The following SHTN1 variants were observed in gnomAD, a reference collection of about 807,000 sequenced individuals.
The protein encoded by SHTN1 is shootin 1, also known as shootin-1.
Under a neutral mutation model 83.1 loss-of-function variants are expected in SHTN1, and 42 were observed. The observed-to-expected ratio is 0.51, with a 90% CI of 0.39 to 0.65. The LOEUF (loss-of-function observed/expected upper bound fraction) is 0.65, where lower values mean the gene tolerates loss of function less well. Ranked by LOEUF, SHTN1 falls within the 30% of genes least tolerant of loss-of-function variation. The probability of loss-of-function intolerance (pLI) is 0.00; values close to 1 mark genes in which losing one functional copy is unlikely to be tolerated. For missense variants in SHTN1, 622 were observed against 737.8 expected (o/e 0.84, Z 1.82); for synonymous variants, 224 against 247.7 (o/e 0.90, Z 0.90).
intron 1 of SHTN1, among the ~76,000 whole-genome samples, chr10:117,091,314 T>C (rs1033008660): frequency 2.0e-5 from 3 of 152,234 alleles, no homozygotes; most frequent in Admixed American, 6.5e-5. Flanking sequence ...ATAGTATTAC[T>C]ATCCAAATTT....
At chr10:117,013,930 A>T (rs181417144) in intron 2 of SHTN1, among the ~76,000 whole-genome samples, 3,768 of 151,640 alleles carry the variant, frequency 0.025, 127 homozygotes, top group African/African-American at 0.077. Flanking sequence ...GTATATATAT[A>T]TTTTTTTTCC....
At chr10:116,974,109 G>A in intron 2 of SHTN1, 1 of 1,077,848 alleles carries the variant, frequency 9.3e-7, no homozygotes, top group South Asian at 2.7e-5. Flanking sequence ...AGGCAAAAAA[G>A]AAGTGGTAGC....
chr10:117,108,631 C>T (rs560996934), intron 1 of SHTN1, among the ~76,000 whole-genome samples: 9 of 151,102 alleles, frequency 6.0e-5, no homozygotes, highest in African/African-American at 2.0e-4. Flanking sequence ...GGGTGCAGCA[C>T]AGCAACATGG....
At chr10:117,107,580 C>G (rs1853690230) in intron 1 of SHTN1, among the ~76,000 whole-genome samples, 1 of 152,126 alleles carries the variant, frequency 6.6e-6, no homozygotes. Flanking sequence ...GACATATATG[C>G]CAACTAAGTT....
At chr10:116,982,442 T>C (rs940481564) in intron 1 of SHTN1, among the ~76,000 whole-genome samples, 2 of 152,102 alleles carry the variant, frequency 1.3e-5, no homozygotes, top group Non-Finnish European at 2.9e-5. Context: ...CACACACATA[T>C]GTATCACAGT....
At chr10:117,045,942 CA>C (rs908631848) in intron 2 of SHTN1, among the ~76,000 whole-genome samples, 4 of 151,834 alleles carry the variant, frequency 2.6e-5, no homozygotes, top group African/African-American at 4.8e-5. Context: ...AAGAAGGTAT[CA>C]AAAAATGCTA....
intron 1 of SHTN1, among the ~76,000 whole-genome samples, chr10:117,072,397 C>CG (rs1449972070): frequency 6.6e-6 from 1 of 152,096 alleles, no homozygotes; most frequent in Non-Finnish European, 1.5e-5. Flanking sequence ...TCCAGAATGA[C>CG]GGCAGGAATA....
chr10:117,121,697 C>G (rs1402112035), intron 1 of SHTN1, among the ~76,000 whole-genome samples: 1 of 151,674 alleles, frequency 6.6e-6, no homozygotes, highest in Non-Finnish European at 1.5e-5. Context: ...TGTAAAATGG[C>G]ATGGTATTTG....
At chr10:116,934,137 T>A (rs1210612447) in intron 9 of SHTN1, among the ~76,000 whole-genome samples, 2 of 152,242 alleles carry the variant, frequency 1.3e-5, no homozygotes, top group Non-Finnish European at 1.5e-5. Context: ...GATGATAGTT[T>A]CTTTTGCTGT....
intron 1 of SHTN1, among the ~76,000 whole-genome samples, chr10:117,072,323 T>C (rs1282377876): frequency 6.6e-6 from 1 of 152,162 alleles, no homozygotes; most frequent in Non-Finnish European, 1.5e-5. Flanking sequence ...GGAAGAGGAC[T>C]AGATTGCAGC....
At chr10:116,945,241 G>C (rs1849534761) in intron 7 of SHTN1, among the ~76,000 whole-genome samples, 1 of 152,106 alleles carries the variant, frequency 6.6e-6, no homozygotes, top group Non-Finnish European at 1.5e-5. Context: ...CCCACTTCCA[G>C]GAATGCATAT....
At chr10:117,113,786 C>G (rs1853802786) in intron 1 of SHTN1, among the ~76,000 whole-genome samples, 1 of 152,134 alleles carries the variant, frequency 6.6e-6, no homozygotes, top group African/African-American at 2.4e-5. Flanking sequence ...TGGATCATGC[C>G]TGTAATCCCA....
At chr10:117,086,088 T>A (rs961293639) in intron 1 of SHTN1, among the ~76,000 whole-genome samples, 3 of 152,102 alleles carry the variant, frequency 2.0e-5, no homozygotes, top group African/African-American at 7.2e-5. Context: ...GCCCAGCTAA[T>A]TTTTTTATTT....
intron 3 of SHTN1, among the ~76,000 whole-genome samples, chr10:116,966,332 A>G (rs767670884): frequency 1.3e-4 from 20 of 152,126 alleles, no homozygotes; most frequent in Admixed American, 6.5e-5. Flanking sequence ...TCTCCTTTTG[A>G]GACTGAGTAA....
chr10:116,949,643 G>A (rs1905543), intron 6 of SHTN1, among the ~76,000 whole-genome samples: 146,138 of 152,294 alleles, frequency 0.96, 70,416 homozygotes, highest in East Asian at 1. Flanking sequence ...GTGCACATGT[G>A]CCCTAGAACT....
chr10:117,051,011 C>A (rs777254308), intron 1 of SHTN1, among the ~76,000 whole-genome samples: 5 of 152,108 alleles, frequency 3.3e-5, no homozygotes, highest in Non-Finnish European at 5.9e-5. Context: ...GATGTCTGAT[C>A]GCACTCCTGC....
intron 4 of SHTN1, 93 bp downstream of exon 4, chr10:116,960,042 GA>G: frequency 1.4e-6 from 1 of 698,296 alleles, no homozygotes; most frequent in Non-Finnish European, 2.5e-6. Flanking sequence ...ATCGATTAGA[GA>G]AGTAGAAAAG....
intron 1 of SHTN1, among the ~76,000 whole-genome samples, chr10:117,124,726 A>G (rs1011668574): frequency 3.9e-5 from 6 of 151,988 alleles, no homozygotes; most frequent in Admixed American, 3.9e-4. Flanking sequence ...GTGAGCTGAG[A>G]TCGCACCACT....
At chr10:117,050,266 TAAAA>T (rs1360582042) in intron 1 of SHTN1, among the ~76,000 whole-genome samples, 1 of 151,792 alleles carries the variant, frequency 6.6e-6, no homozygotes, top group Non-Finnish European at 1.5e-5. Context: ...CTGATAAAGA[TAAAA>T]AGATAAAATA....
Sources: allele counts gnomAD v4.1 joint callset (sites outside exome capture counted in the v4.1 genomes callset), GRCh38; gene constraint gnomAD v4.1.1; transcripts MANE v1.5; gene names NCBI Gene and HGNC (gene_info 2026-07-23, HGNC 2026-07-21).